The following MANBA variants were observed in gnomAD, a reference collection of about 807,000 sequenced individuals.
The protein encoded by MANBA is beta-mannosidase.
In MANBA, 83 loss-of-function variants were observed where a neutral mutation model predicts 111.1. That is an observed-to-expected ratio of 0.75 (90% CI 0.63 to 0.90). MANBA has a LOEUF of 0.90. Ranked by LOEUF, MANBA falls within the 40% of genes least tolerant of loss-of-function variation. MANBA has a pLI of 0.00. For missense variants in MANBA, 1,036 were observed against 1,069.0 expected (o/e 0.97, Z 0.43); for synonymous variants, 370 against 378.7 (o/e 0.98, Z 0.27).
intron 1 of MANBA, among the ~76,000 whole-genome samples, chr4:102,755,964 T>A (rs1218211220): frequency 6.6e-6 from 1 of 152,134 alleles, no homozygotes; most frequent in Non-Finnish European, 1.5e-5. Context: ...CATTAAAAAG[T>A]CAGTAAACAA....
At chr4:102,647,080 G>A (rs1387698250) in intron 13 of MANBA, among the ~76,000 whole-genome samples, 1 of 151,522 alleles carries the variant, frequency 6.6e-6, no homozygotes, top group Non-Finnish European at 1.5e-5. Context: ...GAACAGAGAA[G>A]GGTTTTATTT....
rs373097586 is a variant in MANBA, at chr4:102,636,432, G to A, written c.2015-425C>T. Among the ~76,000 whole-genome samples, 8 of 152,266 alleles carry A rather than the reference G, an allele frequency of 5.3e-5. No homozygotes were observed. The East Asian group carries it at 9.6e-4, about 18-fold the overall frequency. On this transcript the variant is annotated intron_variant, in intron 14 of 16. Transcript: ENST00000647097. ...ATAGAAATGGGACAGTGAAAATACA[G>A]TATTATAATCTCATGGGACCACCAT...
chr4:102,673,833 A>T, intron 8 of MANBA, 86 bp downstream of exon 8: 1 of 1,281,260 alleles, frequency 7.8e-7, no homozygotes, highest in Non-Finnish European at 1.1e-6. Context: ...TTGCCCAGAG[A>T]CTAAAGAAAG....
At chr4:102,758,699 C>T (rs547400201) in intron 1 of MANBA, among the ~76,000 whole-genome samples, 5 of 152,004 alleles carry the variant, frequency 3.3e-5, no homozygotes, top group Admixed American at 2.0e-4. Context: ...TACGCCACCA[C>T]GCCCAGTTAA....
intron 7 of MANBA, among the ~76,000 whole-genome samples, chr4:102,685,636 T>C (rs1015350700): frequency 1.3e-5 from 2 of 152,162 alleles, no homozygotes; most frequent in East Asian, 3.9e-4. Flanking sequence ...CCCTCGCTAC[T>C]GGCCCCTTTC....
chr4:102,688,106 T>C (rs1169315617), intron 7 of MANBA, among the ~76,000 whole-genome samples: 1 of 152,198 alleles, frequency 6.6e-6, no homozygotes, highest in African/African-American at 2.4e-5. Flanking sequence ...CTCTTCTTTC[T>C]CTGTAGTAAG....
intron 1 of MANBA, among the ~76,000 whole-genome samples, chr4:102,747,211 A>G (rs1723621698): frequency 6.6e-6 from 1 of 151,776 alleles, no homozygotes; most frequent in South Asian, 2.1e-4. Context: ...TCACATGATC[A>G]CAAGGTCCCA....
intron 13 of MANBA, among the ~76,000 whole-genome samples, chr4:102,640,111 A>G (rs1560741486): frequency 6.6e-6 from 1 of 152,168 alleles, no homozygotes; most frequent in African/African-American, 2.4e-5. Context: ...GACAATGGAA[A>G]TAGGATGGTG....
chr4:102,647,289 C>T (rs1201908524), intron 13 of MANBA, among the ~76,000 whole-genome samples: 1 of 148,438 alleles, frequency 6.7e-6, no homozygotes, highest in African/African-American at 2.5e-5. Flanking sequence ...TAACAAGCCA[C>T]ACGAGGACAA....
In MANBA at chr4:102,760,897, T is replaced by C; in HGVS notation, c.-3A>G. 1.3e-6 allele frequency: 2 copies of C among 1,505,630 alleles called. No homozygotes were observed. The highest frequency in any genetic ancestry group is 2.5e-5 in the East Asian group (1 of 40,390). 93.3% of individuals were successfully genotyped at this position (1,505,630 alleles called of 1,614,324 possible). Reference sequence around the variant, plus strand: ...AGCAGGAGCAGGTGGAGGCGCATCTTGAGATCCCGCGCCACCGAGATGTGG... The same window carrying C: ...AGCAGGAGCAGGTGGAGGCGCATCTCGAGATCCCGCGCCACCGAGATGTGG... On this transcript the variant is annotated 5_prime_UTR_variant, in exon 1 of 17. Transcript: ENST00000647097.
rs567036344 is a variant in MANBA, at chr4:102,681,458, A to G, written c.961-7388T>C. The G allele has an allele frequency of 3.3e-5, 5 of 152,332 alleles. No individual in the cohort carries two copies. The South Asian group carries it at 1.0e-3, about 32-fold the overall frequency. 9.4% of individuals were successfully genotyped at this position (152,332 alleles called of 1,614,324 possible). ...TCTTTAGTTTCAAAACAACAAATTT[A>G]AAAAAATAAATTTCAATTCTAAAGA... is the stretch of plus-strand genomic sequence containing the variant. On this transcript the variant is annotated intron_variant, in intron 7 of 16. Transcript: ENST00000647097.
intron 7 of MANBA, among the ~76,000 whole-genome samples, chr4:102,681,139 C>T (rs1339139920): frequency 6.6e-6 from 1 of 152,002 alleles, no homozygotes; most frequent in Non-Finnish European, 1.5e-5. Flanking sequence ...TGTTGCAACA[C>T]CCACTTACTG....
intron 7 of MANBA, among the ~76,000 whole-genome samples, chr4:102,675,180 C>G (rs1731672672): frequency 6.6e-6 from 1 of 152,192 alleles, no homozygotes. Context: ...TTAAGTGTGG[C>G]CTGGGGACTC....
intron 5 of MANBA, among the ~76,000 whole-genome samples, chr4:102,700,573 G>A (rs1732981759): frequency 1.3e-5 from 2 of 151,684 alleles, no homozygotes; most frequent in Admixed American, 1.3e-4. Flanking sequence ...TGTTCTCGTT[G>A]GTTTCAAAAA....
At chr4:102,687,965 C>T (rs940813001) in intron 7 of MANBA, among the ~76,000 whole-genome samples, 2 of 152,160 alleles carry the variant, frequency 1.3e-5, no homozygotes, top group Non-Finnish European at 2.9e-5. Context: ...GGCAGTTAAA[C>T]ATCCTCCTTA....
chr4:102,637,803 T>C (rs1051961985), intron 14 of MANBA, among the ~76,000 whole-genome samples: 2 of 152,222 alleles, frequency 1.3e-5, no homozygotes, highest in African/African-American at 4.8e-5. Flanking sequence ...TTAGAATGTT[T>C]CCTTGAGTTC....
chr4:102,760,819 G>T lies in MANBA; in HGVS notation c.76C>A (p.Arg26Ser), dbSNP rs868106130. 10 of 1,565,566 alleles carry T rather than the reference G, an allele frequency of 6.4e-6. No homozygotes were observed. The highest frequency in any genetic ancestry group is 1.9e-5 in the Admixed American group (1 of 53,190). ...CCATTGCAGATGCTCCAGTTGCCAC[G>T]CAAGCTGTAACTGAGCTCCGCGGCG... is the stretch of plus-strand genomic sequence containing the variant. ...TTAAELSYSL[R>S]GNWSICNGNG... is the part of the protein sequence containing the mutation. The change falls in exon 1 of 17, where the codon CGT becomes AGT. Residue 26 changes from arginine to serine, a missense_variant. Arg to Ser is a moderately radical substitution (Grantham distance 110, BLOSUM62 -1). Coordinates refer to ENST00000647097, the MANE Select transcript of MANBA (RefSeq NM_005908.4).
At chr4:102,757,055 C>T (rs1175894185) in intron 1 of MANBA, among the ~76,000 whole-genome samples, 1 of 152,152 alleles carries the variant, frequency 6.6e-6, no homozygotes, top group Non-Finnish European at 1.5e-5. Flanking sequence ...GAGGGCCAGG[C>T]ACGGTGGCTC....
intron 1 of MANBA, chr4:102,730,395 C>A (rs1722988660): frequency 4.1e-6 from 2 of 484,424 alleles, no homozygotes; most frequent in Non-Finnish European, 7.6e-6. Flanking sequence ...AAGTCGGCAA[C>A]CTTGCTGTGG....
Sources: allele counts gnomAD v4.1 joint callset (sites outside exome capture counted in the v4.1 genomes callset), GRCh38; gene constraint gnomAD v4.1.1; transcripts MANE v1.5; gene names NCBI Gene and HGNC (gene_info 2026-07-23, HGNC 2026-07-21).